COL14A1: variants seen among roughly 807,000 people sequenced by gnomAD.
COL14A1 encodes the protein collagen alpha-1(XIV) chain.
In COL14A1, 136 loss-of-function variants were observed where a neutral mutation model predicts 230.3. The ratio of observed to expected loss-of-function variants is 0.59; its 90% CI spans 0.51 to 0.68. COL14A1 has a LOEUF of 0.68. Ranked by LOEUF, COL14A1 falls within the 30% of genes least tolerant of loss-of-function variation. COL14A1 has a pLI of 0.00. For missense variants in COL14A1, 1,976 were observed against 2,215.8 expected (o/e 0.89, Z 2.17); for synonymous variants, 792 against 784.1 (o/e 1.01, Z -0.17).
chr8:120,134,304 T>A (rs1814639092), intron 1 of COL14A1, among the ~76,000 whole-genome samples: 1 of 152,076 alleles, frequency 6.6e-6, no homozygotes. Context: ...TTACAATTAC[T>A]TAATAGTCAC....
At chr8:120,183,711 A>G (rs1331259639) in intron 5 of COL14A1, among the ~76,000 whole-genome samples, 2 of 152,212 alleles carry the variant, frequency 1.3e-5, no homozygotes, top group South Asian at 2.1e-4. Context: ...CGGCTGTGGC[A>G]CAACAACCAG....
chr8:120,156,362 T>A (rs1194501364), intron 2 of COL14A1, among the ~76,000 whole-genome samples: 2 of 152,092 alleles, frequency 1.3e-5, no homozygotes, highest in Non-Finnish European at 2.9e-5. Flanking sequence ...AGAGATGGGG[T>A]TTCACCGTGT....
intron 36 of COL14A1, among the ~76,000 whole-genome samples, chr8:120,303,525 T>C (rs1019668151): frequency 6.6e-6 from 1 of 152,222 alleles, no homozygotes; most frequent in African/African-American, 2.4e-5. Context: ...GTTCTGTTCG[T>C]GATGAATCAC....
At chr8:120,343,205 G>T (rs1822372924) in intron 44 of COL14A1, among the ~76,000 whole-genome samples, 1 of 152,014 alleles carries the variant, frequency 6.6e-6, no homozygotes, top group Non-Finnish European at 1.5e-5. Flanking sequence ...TACTAGTGTG[G>T]GCCCTTCGCT....
At chr8:120,296,050 A>G (rs1233129570) in intron 34 of COL14A1, among the ~76,000 whole-genome samples, 1 of 151,888 alleles carries the variant, frequency 6.6e-6, no homozygotes, top group African/African-American at 2.4e-5. Flanking sequence ...CAGTTTTGAC[A>G]TTACTTTTGC....
chr8:120,130,481 T>C (rs2130376845), intron 1 of COL14A1, among the ~76,000 whole-genome samples: 1 of 152,312 alleles, frequency 6.6e-6, no homozygotes, highest in Non-Finnish European at 1.5e-5. Flanking sequence ...TTCCTTCCCT[T>C]ATTCCTACTT....
At chr8:120,131,119 T>C (rs1814511462) in intron 1 of COL14A1, among the ~76,000 whole-genome samples, 1 of 152,236 alleles carries the variant, frequency 6.6e-6, no homozygotes, top group African/African-American at 2.4e-5. Context: ...CAGTCCACCA[T>C]TGATGAGCAT....
chr8:120,189,452 C>CT (rs1010801557), intron 5 of COL14A1, among the ~76,000 whole-genome samples: 61 of 150,340 alleles, frequency 4.1e-4, no homozygotes, highest in African/African-American at 1.3e-3. Context: ...TCCTATGAGT[C>CT]TTTTTTTTTA....
chr8:120,292,619 A>T (rs995808560), intron 34 of COL14A1, among the ~76,000 whole-genome samples: 17 of 152,154 alleles, frequency 1.1e-4, no homozygotes, highest in Non-Finnish European at 1.5e-5. Context: ...GAAATCACAG[A>T]CTGCCAATCT....
At chr8:120,367,397 A>G in intron 46 of COL14A1, 149 bp downstream of exon 46, 2 of 687,420 alleles carry the variant, frequency 2.9e-6, no homozygotes, top group Non-Finnish European at 2.4e-6. Context: ...TTCTTTGTTA[A>G]TAAGGATCCT....
chr8:120,367,011 T>A (rs1823425192), intron 45 of COL14A1, among the ~76,000 whole-genome samples, 160 bp from the exon 46 acceptor site: 1 of 152,068 alleles, frequency 6.6e-6, no homozygotes, highest in Non-Finnish European at 1.5e-5. Context: ...ATACTACCAA[T>A]GTCAGAATGT....
At chr8:120,198,223 C>T (rs1229423870) in intron 7 of COL14A1, among the ~76,000 whole-genome samples, 7 of 152,216 alleles carry the variant, frequency 4.6e-5, no homozygotes, top group African/African-American at 9.6e-5. Context: ...CTAATCTCTT[C>T]GCTACTTTTC....
chr8:120,371,070 C>A, intron 47 of COL14A1, 82 bp from the exon 48 acceptor site: 2 of 1,243,636 alleles, frequency 1.6e-6, no homozygotes, highest in African/African-American at 3.0e-5. Context: ...ATCTCTGTGT[C>A]TCTAAGGACC....
Position 120,231,531 on chromosome 8 carries a change from A to G in COL14A1, c.2262A>G (p.Lys754=). 1 of 1,614,022 alleles carries G rather than the reference A, an allele frequency of 6.2e-7. No homozygotes were observed. The highest frequency in any genetic ancestry group is 1.3e-5 in the African/African-American group (1 of 75,012). Residue 754 remains lysine, a synonymous_variant, in exon 19 of 48, where the codon AAA becomes AAG. Transcript: ENST00000297848. The part of the protein sequence containing the change: ...GDETTSSLRV[K]WDISDSDVQQ... ...AAACTACTTCTAGCCTGCGGGTAAA[A>G]TGGGACATTTCTGACAGCGATGTGC...
intron 2 of COL14A1, among the ~76,000 whole-genome samples, chr8:120,157,730 AATCCCAGCACTT>A (rs1563641203): frequency 5.9e-5 from 9 of 152,198 alleles, no homozygotes; most frequent in African/African-American, 2.2e-4. Context: ...TTATGCCTGT[AATCCCAGCACTT>A]TGGGAGGCCG....
At chr8:120,247,485 C>T in intron 20 of COL14A1, 128 bp from the exon 21 acceptor site, 1 of 856,660 alleles carries the variant, frequency 1.2e-6, no homozygotes, top group Non-Finnish European at 1.7e-6. Context: ...TTGTGTGTTT[C>T]AGTGCACTTT....
chr8:120,185,031 C>A (rs903975339), intron 5 of COL14A1, among the ~76,000 whole-genome samples: 1 of 152,106 alleles, frequency 6.6e-6, no homozygotes, highest in African/African-American at 2.4e-5. Flanking sequence ...TCTAGGAAGA[C>A]AGAAGTTATA....
chr8:120,187,755 A>G (rs764662244), intron 5 of COL14A1, among the ~76,000 whole-genome samples: 6 of 152,258 alleles, frequency 3.9e-5, no homozygotes, highest in Admixed American at 1.3e-4. Flanking sequence ...CAAACAGCAC[A>G]GATTAGCTGT....
chr8:120,282,673 A>G (rs118115561), intron 31 of COL14A1, among the ~76,000 whole-genome samples: 3,235 of 152,282 alleles, frequency 0.021, 56 homozygotes, highest in Middle Eastern at 0.11. Flanking sequence ...GGTTCCTACT[A>G]TATGTAAAGG....
Sources: gnomAD v4.1 joint callset for allele counts (sites outside exome capture counted in the v4.1 genomes callset) on GRCh38, gnomAD v4.1.1 for gene constraint, MANE v1.5 for transcripts, NCBI Gene and HGNC (gene_info 2026-07-23, HGNC 2026-07-21) for gene names.